The following SLC9A9 variants were observed in gnomAD, a reference collection of about 807,000 sequenced individuals.
SLC9A9 encodes solute carrier family 9 member A9.
SLC9A9 carries 62 observed loss-of-function variants against 77.8 expected under a neutral mutation model. The ratio of observed to expected loss-of-function variants is 0.80; its 90% CI spans 0.65 to 0.98. The LOEUF (loss-of-function observed/expected upper bound fraction) is 0.98, where lower values mean the gene tolerates loss of function less well. Ranked by LOEUF, SLC9A9 falls within the 50% of genes least tolerant of loss-of-function variation. The probability of loss-of-function intolerance (pLI) is 0.00; values close to 1 mark genes in which losing one functional copy is unlikely to be tolerated. For missense variants in SLC9A9, 775 were observed against 774.9 expected (o/e 1.00, Z 0.00); for synonymous variants, 320 against 283.5 (o/e 1.13, Z -1.29).
chr3:143,610,801 T>C (rs2038011638), intron 6 of SLC9A9, among the ~76,000 whole-genome samples: 1 of 152,132 alleles, frequency 6.6e-6, no homozygotes, highest in Non-Finnish European at 1.5e-5. Context: ...GATAATGAGA[T>C]TTAGAGGTGC....
intron 4 of SLC9A9, among the ~76,000 whole-genome samples, chr3:143,735,475 G>T (rs769422929): frequency 6.6e-6 from 1 of 152,000 alleles, no homozygotes; most frequent in Non-Finnish European, 1.5e-5. Flanking sequence ...CTTTTTTCAT[G>T]GTCTGCCCAA....
intron 12 of SLC9A9, among the ~76,000 whole-genome samples, chr3:143,415,386 C>T (rs186510217): frequency 1.4e-4 from 21 of 152,286 alleles, no homozygotes; most frequent in Non-Finnish European, 2.6e-4. Context: ...CTTTAAAGGA[C>T]AGGCTGATTC....
chr3:143,338,717 T>C (rs906302384), intron 14 of SLC9A9, among the ~76,000 whole-genome samples: 1 of 152,192 alleles, frequency 6.6e-6, no homozygotes, highest in East Asian at 1.9e-4. Flanking sequence ...AACTTAAAGC[T>C]GCCTGGGGAT....
chr3:143,691,947 A>C (rs1933483075), intron 5 of SLC9A9, among the ~76,000 whole-genome samples: 1 of 152,108 alleles, frequency 6.6e-6, no homozygotes, highest in South Asian at 2.1e-4. Flanking sequence ...AATATGATGG[A>C]TCAGGCTGAC....
intron 4 of SLC9A9, among the ~76,000 whole-genome samples, chr3:143,736,087 C>A (rs1381920133): frequency 6.6e-6 from 1 of 152,056 alleles, no homozygotes; most frequent in African/African-American, 2.4e-5. Context: ...ATGTTGTGTT[C>A]TTTTTTTGGA....
intron 12 of SLC9A9, among the ~76,000 whole-genome samples, chr3:143,448,964 A>G (rs2034902604): frequency 1.0e-4 from 1 of 9,974 alleles, no homozygotes; most frequent in African/African-American, 2.0e-3. Flanking sequence ...ATATAATTAT[A>G]TAAATATAAT....
intron 5 of SLC9A9, among the ~76,000 whole-genome samples, chr3:143,672,304 A>G (rs1325577695): frequency 6.6e-6 from 1 of 152,222 alleles, no homozygotes; most frequent in Non-Finnish European, 1.5e-5. Flanking sequence ...AACTAAATGC[A>G]GAGGCAGAGA....
At chr3:143,289,308 G>C (rs182322129) in intron 14 of SLC9A9, among the ~76,000 whole-genome samples, 6 of 152,306 alleles carry the variant, frequency 3.9e-5, no homozygotes, top group Admixed American at 3.9e-4. Context: ...CTCCGGTACA[G>C]TTTGACTTGG....
intron 12 of SLC9A9, among the ~76,000 whole-genome samples, chr3:143,465,318 C>CCAGA (rs1291683235): frequency 1.3e-5 from 2 of 152,330 alleles, no homozygotes; most frequent in East Asian, 1.9e-4. Context: ...TAAAGCCCCA[C>CCAGA]TATAATACTC....
intron 4 of SLC9A9, among the ~76,000 whole-genome samples, chr3:143,759,085 G>C (rs1220408361): frequency 2.0e-5 from 3 of 152,084 alleles, no homozygotes; most frequent in African/African-American, 7.2e-5. Context: ...AGAAGGTGAG[G>C]GTTAAATAAC....
At chr3:143,590,498 T>A (rs1007792303) in intron 6 of SLC9A9, among the ~76,000 whole-genome samples, 1 of 152,212 alleles carries the variant, frequency 6.6e-6, no homozygotes, top group African/African-American at 2.4e-5. Flanking sequence ...ACAATAGGCT[T>A]AGAGTTTGAT....
intron 1 of SLC9A9, among the ~76,000 whole-genome samples, chr3:143,838,664 T>C (rs2361207): frequency 0.94 from 142,529 of 152,282 alleles, 66,988 homozygotes; most frequent in East Asian, 1. Flanking sequence ...AGGAATAACG[T>C]TCAAGGAAGA....
At chr3:143,366,781 A>C (rs1321472159) in intron 13 of SLC9A9, among the ~76,000 whole-genome samples, 3 of 152,186 alleles carry the variant, frequency 2.0e-5, no homozygotes, top group Non-Finnish European at 4.4e-5. Context: ...GTTTTCAAGA[A>C]TACTGAGGCC....
At chr3:143,319,836 G>A (rs1466486280) in intron 14 of SLC9A9, among the ~76,000 whole-genome samples, 1 of 152,224 alleles carries the variant, frequency 6.6e-6, no homozygotes, top group African/African-American at 2.4e-5. Flanking sequence ...AATGGTAGCA[G>A]AGAAAGTCAA....
rs568618566 is a variant in SLC9A9 at position 143,319,524 on chromosome 3, A to T, written c.1604+43960T>A. Among the ~76,000 whole-genome samples the T allele has an allele frequency of 5.9e-5, 9 of 152,372 alleles. No homozygotes were observed. In the East Asian group the frequency reaches 1.7e-3, roughly 29 times the overall value. On this transcript the variant is annotated intron_variant, in intron 14 of 15. Transcript: ENST00000316549. ...CCTCACAGGACAGTGGCTGTTCTCCATCTGAAGGGATAAGATCTTCCCCGC... is the reference window on the plus strand; with the variant it reads ...CCTCACAGGACAGTGGCTGTTCTCCTTCTGAAGGGATAAGATCTTCCCCGC...
At chr3:143,409,173 T>C (rs2034045400) in intron 12 of SLC9A9, among the ~76,000 whole-genome samples, 1 of 152,232 alleles carries the variant, frequency 6.6e-6, no homozygotes, top group Non-Finnish European at 1.5e-5. Context: ...TTACCACCAC[T>C]GGTATTAACT....
intron 11 of SLC9A9, among the ~76,000 whole-genome samples, chr3:143,474,892 C>T (rs1164389896): frequency 6.6e-6 from 1 of 151,956 alleles, no homozygotes; most frequent in Non-Finnish European, 1.5e-5. Flanking sequence ...CTTGGCTGTG[C>T]CCATCATCTC....
intron 4 of SLC9A9, among the ~76,000 whole-genome samples, chr3:143,710,061 A>G (rs990947489): frequency 2.0e-5 from 3 of 152,236 alleles, no homozygotes; most frequent in South Asian, 4.1e-4. Flanking sequence ...CAGAAATTGC[A>G]TATTCATTAA....
chr3:143,363,808 C>G (rs1234777975), intron 13 of SLC9A9, among the ~76,000 whole-genome samples: 1 of 152,092 alleles, frequency 6.6e-6, no homozygotes, highest in Non-Finnish European at 1.5e-5. Context: ...TATTAAATAG[C>G]TAAGAAATGC....
Sources: gnomAD v4.1 joint callset for allele counts (sites outside exome capture counted in the v4.1 genomes callset) on GRCh38, gnomAD v4.1.1 for gene constraint, MANE v1.5 for transcripts, NCBI Gene and HGNC (gene_info 2026-07-23, HGNC 2026-07-21) for gene names.